The following DOK7 variants were observed in gnomAD, a reference collection of about 807,000 sequenced individuals.
DOK7 encodes protein Dok-7.
In DOK7, 32 loss-of-function variants were observed where a neutral mutation model predicts 30.7. The observed-to-expected ratio is 1.04, with a 90% confidence interval of 0.79 to 1.40. DOK7 has a LOEUF of 1.40. Ranked by LOEUF, DOK7 falls within the 40% of genes most tolerant of loss-of-function variation. The pLI is 0.00. For missense variants in DOK7, 1,007 were observed against 699.2 expected (o/e 1.44, Z -4.97); for synonymous variants, 447 against 324.1 (o/e 1.38, Z -4.07).
downstream of DOK7, chr4:3,496,909 G>A (rs1366665588): frequency 1.3e-6 from 2 of 1,526,364 alleles, no homozygotes; most frequent in Non-Finnish European, 1.8e-6. Context: ...CAGGAAGGCG[G>A]GAGTCTGGGT....
At position 3,493,910 on chromosome 4, in the gene DOK7, A is replaced by C; in HGVS notation, c.*409A>C. 1 of 1,052,354 alleles carries C rather than the reference A, an allele frequency of 9.5e-7. No homozygotes were observed. The highest frequency in any genetic ancestry group is 8.2e-5 in the East Asian group (1 of 12,192). 65.2% of individuals were successfully genotyped at this position (1,052,354 alleles called of 1,614,324 possible). ...CCTTCGGGGGTGGCCGGTTCTCCCC[A>C]TCACCTCTCTGGGGCAGTCACACCA... On this transcript the variant is annotated 3_prime_UTR_variant, in exon 7 of 7. Coordinates refer to ENST00000340083, the MANE Select transcript of DOK7 (RefSeq NM_173660.5).
chr4:3,496,778 G>C, downstream of DOK7: 1 of 1,534,908 alleles, frequency 6.5e-7, no homozygotes, highest in Non-Finnish European at 8.7e-7. Flanking sequence ...AGGATGAGGG[G>C]AAGACTGAAG....
At chr4:3,472,605 T>C (rs1394932632) in intron 2 of DOK7, among the ~76,000 whole-genome samples, 2 of 152,206 alleles carry the variant, frequency 1.3e-5, no homozygotes, top group African/African-American at 4.8e-5. Context: ...CCGGGCCAGG[T>C]GGTTTGCCCA....
chr4:3,482,688 C>T (rs1172217336), intron 4 of DOK7, among the ~76,000 whole-genome samples: 1 of 152,272 alleles, frequency 6.6e-6, no homozygotes, highest in Non-Finnish European at 1.5e-5. Flanking sequence ...CCCTGTTCTC[C>T]CCCCTTTCCC....
At chr4:3,467,832 C>G (rs762833369) in intron 2 of DOK7, among the ~76,000 whole-genome samples, 2 of 152,154 alleles carry the variant, frequency 1.3e-5, no homozygotes, top group African/African-American at 2.4e-5. Context: ...CTGGGTGTCT[C>G]GTGAGGACCA....
chr4:3,487,616 C>G (rs1431759325), intron 5 of DOK7, among the ~76,000 whole-genome samples: 1 of 152,194 alleles, frequency 6.6e-6, no homozygotes, highest in Non-Finnish European at 1.5e-5. Flanking sequence ...CCTTCTTGGC[C>G]TGGCCTCCAC....
In DOK7 at chr4:3,493,353, T is replaced by G. The variant is rs753317302; in HGVS notation, c.1367T>G (p.Met456Arg). Residue 456 changes from methionine to arginine, a missense_variant, in exon 7 of 7, where the codon ATG becomes AGG. By Grantham distance (91) the Met-to-Arg change is moderately conservative (BLOSUM62 -1). Transcript: ENST00000340083. ...WLGTRRRGLV[M>R]EAPQGSEATL... Reference sequence around the variant, plus strand: ...GGCACGAGACGGCGGGGCCTGGTGATGGAGGCCCCCCAGGGCAGCGAGGCC... The same window carrying G: ...GGCACGAGACGGCGGGGCCTGGTGAGGGAGGCCCCCCAGGGCAGCGAGGCC... 4.4e-5 allele frequency: 71 copies of G among 1,598,562 alleles called. No individual in the cohort carries two copies. Among genetic ancestry groups the G allele is most frequent in the Non-Finnish European group, 5.6e-5 (66 of 1,172,986 alleles).
At chr4:3,468,915 A>G (rs530195715) in intron 2 of DOK7, among the ~76,000 whole-genome samples, 4,316 of 137,654 alleles carry the variant, frequency 0.031, 222 homozygotes, top group African/African-American at 0.11. Context: ...CTGTGTGTGT[A>G]TGTGTGTATG....
At chr4:3,467,115 G>A (rs1577138812) in intron 2 of DOK7, among the ~76,000 whole-genome samples, 2 of 152,094 alleles carry the variant, frequency 1.3e-5, no homozygotes, top group Non-Finnish European at 2.9e-5. Flanking sequence ...ACAGCCTCAA[G>A]GTCACTGTGA....
chr4:3,498,640 G>C (rs969392586), downstream of DOK7, among the ~76,000 whole-genome samples: 2 of 150,800 alleles, frequency 1.3e-5, no homozygotes, highest in African/African-American at 4.9e-5. Context: ...ACCCCCTCTT[G>C]GCCTAGCCCC....
Position 3,493,191 on chromosome 4 carries a change from G to A in DOK7, c.1205G>A (p.Arg402Gln), listed in dbSNP as rs370039804. 114 of 1,610,772 alleles carry A rather than the reference G, an allele frequency of 7.1e-5. No individual in the cohort carries two copies. In the African/African-American group the frequency reaches 7.7e-4, roughly 11 times the overall value. ...GAGTACCAGGTGCCCACCTCCCTGCGGGCCCACTATGACACACCACGCAGC... is the reference window on the plus strand; with the variant it reads ...GAGTACCAGGTGCCCACCTCCCTGCAGGCCCACTATGACACACCACGCAGC... ...TVEYQVPTSL[R>Q]AHYDTPRSLC... Residue 402 changes from arginine to glutamine, a missense_variant, in exon 7 of 7, where the codon CGG (arginine) becomes CAG (glutamine). Arg to Gln is a conservative substitution (Grantham distance 43, BLOSUM62 1). Transcript: ENST00000340083.
intron 2 of DOK7, among the ~76,000 whole-genome samples, chr4:3,471,947 G>C (rs1726790531): frequency 6.6e-6 from 1 of 152,276 alleles, no homozygotes; most frequent in African/African-American, 2.4e-5. Context: ...TTGCTTTTGT[G>C]AATCAAGCTT....
At chr4:3,490,025 C>G (rs971892367) in intron 6 of DOK7, among the ~76,000 whole-genome samples, 3 of 140,780 alleles carry the variant, frequency 2.1e-5, no homozygotes, top group African/African-American at 7.9e-5. Context: ...CCTGCTCATT[C>G]ATTCCTTCCT....
chr4:3,469,183 G>C (rs540641021), intron 2 of DOK7, among the ~76,000 whole-genome samples: 1 of 151,504 alleles, frequency 6.6e-6, no homozygotes, highest in Non-Finnish European at 1.5e-5. Context: ...GTGCGTCTGT[G>C]TGAGTGTGCA....
intron 6 of DOK7, among the ~76,000 whole-genome samples, chr4:3,490,541 CTTCCTTCTCCCCCTGCTCATTCGTTTT>C (rs1728264116): frequency 4.4e-5 from 4 of 90,878 alleles, no homozygotes; most frequent in Non-Finnish European, 5.9e-5. Context: ...TCATTCGTTC[CTTCCTTCTCCCCCTGCTCATTCGTTTT>C]TTCCTTCTCT....
At chr4:3,473,780 G>A in intron 3 of DOK7, 144 bp downstream of exon 3, 1 of 833,258 alleles carries the variant, frequency 1.2e-6, no homozygotes. Context: ...AGGGTGGACT[G>A]AGCTCCAGCC....
chr4:3,493,522 C>A lies in DOK7; in HGVS notation c.*21C>A, dbSNP rs766226536. ...CTTGAGAGCCGCAGATCCCGCCCCGCGGCTGCAAAGGGGCTGAATTTGCCC... is the reference window on the plus strand; with the variant it reads ...CTTGAGAGCCGCAGATCCCGCCCCGAGGCTGCAAAGGGGCTGAATTTGCCC... On this transcript the variant is annotated 3_prime_UTR_variant, in exon 7 of 7. Coordinates refer to ENST00000340083, the MANE Select transcript of DOK7 (RefSeq NM_173660.5). 44 of 1,607,932 alleles carry A rather than the reference C, an allele frequency of 2.7e-5. No homozygotes were observed. The highest frequency in any genetic ancestry group is 3.7e-5 in the Non-Finnish European group (44 of 1,177,750).
At chr4:3,490,183 C>T (rs1316130788) in intron 6 of DOK7, among the ~76,000 whole-genome samples, 1 of 66,192 alleles carries the variant, frequency 1.5e-5, no homozygotes, top group African/African-American at 6.3e-5. Context: ...TCCTCCGCCC[C>T]CCCCACTCAT....
chr4:3,482,830 G>A (rs1472946602), intron 4 of DOK7, among the ~76,000 whole-genome samples: 1 of 152,180 alleles, frequency 6.6e-6, no homozygotes, highest in Non-Finnish European at 1.5e-5. Context: ...TGGGCGCTTG[G>A]GTGGACACTG....
Sources: allele counts gnomAD v4.1 joint callset (sites outside exome capture counted in the v4.1 genomes callset), GRCh38; gene constraint gnomAD v4.1.1; transcripts MANE v1.5; gene names NCBI Gene and HGNC (gene_info 2026-07-23, HGNC 2026-07-21).